The following PDE1C variants were observed in gnomAD, a reference collection of about 807,000 sequenced individuals.
The protein encoded by PDE1C is dual specificity calcium/calmodulin-dependent 3',5'-cyclic nucleotide phosphodiesterase 1C.
A neutral mutation model predicts 93.1 loss-of-function variants in PDE1C; 62 were observed. That is an observed-to-expected ratio of 0.67 (90% CI 0.54 to 0.82). The LOEUF is 0.82. PDE1C is among the 40% of genes least tolerant of loss of function. PDE1C has a pLI of 0.00. For missense variants in PDE1C, 742 were observed against 884.6 expected (o/e 0.84, Z 2.04); for synonymous variants, 325 against 310.1 (o/e 1.05, Z -0.50).
At chr7:32,133,484 G>A (rs1433567104) in intron 3 of PDE1C, among the ~76,000 whole-genome samples, 1 of 152,118 alleles carries the variant, frequency 6.6e-6, no homozygotes, top group Non-Finnish European at 1.5e-5. Context: ...AAGGAACCAG[G>A]GGAAAATCCT....
intron 2 of PDE1C, among the ~76,000 whole-genome samples, chr7:32,047,505 T>C (rs1013933565): frequency 6.6e-6 from 1 of 152,194 alleles, no homozygotes; most frequent in Non-Finnish European, 1.5e-5. Context: ...AGAGGACTTA[T>C]GAAATCACTC....
At chr7:32,338,459 CA>C (rs1445814807) in intron 1 of PDE1C, among the ~76,000 whole-genome samples, 1 of 151,986 alleles carries the variant, frequency 6.6e-6, no homozygotes, top group Non-Finnish European at 1.5e-5. Context: ...CTAGTTAAAA[CA>C]AAACAAAACA....
chr7:31,730,300 G>C, the PDE1C span, among the ~76,000 whole-genome samples: 1 of 152,134 alleles, frequency 6.6e-6, no homozygotes, highest in South Asian at 2.1e-4. Context: ...ACATATTTCA[G>C]GAATGCTGAC....
intron 1 of PDE1C, among the ~76,000 whole-genome samples, chr7:32,397,717 T>G (rs1321820419): frequency 6.6e-6 from 1 of 152,002 alleles, no homozygotes; most frequent in Non-Finnish European, 1.5e-5. Flanking sequence ...TGCAACTGTT[T>G]AAGAAAAAAA....
At chr7:32,088,394 C>T (rs185626974) in intron 3 of PDE1C, among the ~76,000 whole-genome samples, 3 of 152,186 alleles carry the variant, frequency 2.0e-5, no homozygotes, top group South Asian at 2.1e-4. Flanking sequence ...AGCCTCACAC[C>T]GAATCCTTTT....
chr7:31,921,945 G>A (rs953571357), intron 2 of PDE1C, among the ~76,000 whole-genome samples: 4 of 152,098 alleles, frequency 2.6e-5, no homozygotes, highest in South Asian at 2.1e-4. Flanking sequence ...TATGAGATAC[G>A]TATTTGTATC....
intron 1 of PDE1C, among the ~76,000 whole-genome samples, chr7:32,233,131 TACTCCAAAAAA>T (rs1807825378): frequency 6.6e-6 from 1 of 151,754 alleles, no homozygotes; most frequent in Non-Finnish European, 1.5e-5. Context: ...ATTATGAAAA[TACTCCAAAAAA>T]AGAAGGGCAA....
intron 2 of PDE1C, among the ~76,000 whole-genome samples, chr7:32,187,500 T>C (rs915539013): frequency 6.6e-6 from 1 of 152,218 alleles, no homozygotes; most frequent in African/African-American, 2.4e-5. Flanking sequence ...ATTTTAATAT[T>C]AAGATGTATC....
chr7:31,880,832 T>C lies in PDE1C; in HGVS notation c.157A>G (p.Arg53Gly). 5.0e-6 allele frequency: 8 copies of C among 1,610,400 alleles called. No homozygotes were observed. The highest frequency in any genetic ancestry group is 5.9e-6 in the Non-Finnish European group (7 of 1,176,860). The change falls in exon 3 of 18, where the codon AGA becomes GGA. Residue 53 changes from arginine to glycine, a missense_variant. Arg to Gly is a moderately radical substitution (Grantham distance 125, BLOSUM62 -2). Around this residue, in one of 4 missense-constraint regions of PDE1C, gnomAD observed 74 missense variants for 88.2 expected, o/e 0.84. Transcript: ENST00000396191. ...RLRSLVKQLE[R>G]GEASVVDLKK... ...AGATCTACCACTGAAGCTTCCCCTC[T>C]CTCTAATTGTTTGACCAAAGACCGT...
At chr7:31,624,149 A>G in the PDE1C span, among the ~76,000 whole-genome samples, 3 of 151,010 alleles carry the variant, frequency 2.0e-5, no homozygotes, top group African/African-American at 7.3e-5. Flanking sequence ...AGAACATTCC[A>G]TGCTCATGGG....
chr7:31,753,344 A>AC lies in PDE1C; in HGVS notation c.*39_*40insG, dbSNP rs1794229172. ...GGCCAGTGGGTGCTGAGAAGCAGAT[A>AC]GGTAGACCCTCCTTCACTCCCTCTC... On this transcript the variant is annotated 3_prime_UTR_variant, in exon 18 of 18. Transcript: ENST00000396191. The AC allele has an allele frequency of 6.3e-7, 1 of 1,590,032 alleles. No homozygotes were observed. The highest frequency in any genetic ancestry group is 1.7e-4 in the Middle Eastern group (1 of 5,928).
chr7:31,967,724 A>G (rs1440171175), intron 2 of PDE1C, among the ~76,000 whole-genome samples: 1 of 152,216 alleles, frequency 6.6e-6, no homozygotes, highest in East Asian at 1.9e-4. Context: ...ACACTGGCAA[A>G]CCAAATCCAG....
the PDE1C span, chr7:31,644,059 T>G: frequency 9.9e-7 from 1 of 1,013,036 alleles, no homozygotes; most frequent in East Asian, 2.5e-5. Flanking sequence ...CAGGGCAAAC[T>G]TTTCTATTTT....
the PDE1C span, among the ~76,000 whole-genome samples, chr7:31,627,611 G>A: frequency 7.5e-6 from 1 of 132,648 alleles, no homozygotes; most frequent in Non-Finnish European, 1.5e-5. Flanking sequence ...AGTAAGCTGC[G>A]ATCATGCCAC....
the PDE1C span, chr7:31,656,091 C>A: frequency 2.2e-5 from 19 of 883,342 alleles, no homozygotes; most frequent in African/African-American, 3.3e-4. Context: ...TGATCTGTGG[C>A]AGAAGTGATC....
chr7:32,298,027 T>C (rs925589891), intron 1 of PDE1C, among the ~76,000 whole-genome samples: 1 of 50,444 alleles, frequency 2.0e-5, no homozygotes, highest in African/African-American at 9.2e-5. Context: ...CCTCTCTCTC[T>C]CTCTCTCTCT....
At chr7:31,872,082 A>C (rs1796015349) in intron 6 of PDE1C, among the ~76,000 whole-genome samples, 1 of 152,158 alleles carries the variant, frequency 6.6e-6, no homozygotes. Context: ...AGCAACATGG[A>C]TAGAATTGGA....
chr7:31,890,690 T>C (rs1473428247), intron 2 of PDE1C, among the ~76,000 whole-genome samples: 3 of 152,240 alleles, frequency 2.0e-5, no homozygotes, highest in Admixed American at 6.5e-5. Flanking sequence ...TCATTTCTAC[T>C]TCTTTTTTCT....
intron 17 of PDE1C, among the ~76,000 whole-genome samples, chr7:31,770,876 A>C (rs757972091): frequency 6.6e-6 from 1 of 152,166 alleles, no homozygotes; most frequent in Non-Finnish European, 1.5e-5. Context: ...TTTGGTGTAA[A>C]GTCTTCAGGA....
Sources: allele counts gnomAD v4.1 joint callset (sites outside exome capture counted in the v4.1 genomes callset), GRCh38; gene constraint gnomAD v4.1.1; regional missense constraint gnomAD v4.1.1; transcripts MANE v1.5; gene names NCBI Gene and HGNC (gene_info 2026-07-23, HGNC 2026-07-21).